Variants in TSNARE1 observed in about 807,000 individuals in gnomAD.
TSNARE1 encodes t-SNARE domain-containing protein 1.
TSNARE1 carries 49 observed loss-of-function variants against 62.0 expected under a neutral mutation model. The ratio of observed to expected loss-of-function variants is 0.79; its 90% CI spans 0.63 to 1.00. The LOEUF (loss-of-function observed/expected upper bound fraction) is 1.00, where lower values mean the gene tolerates loss of function less well. Among genes scored for constraint, TSNARE1 ranks in the 50% least tolerant of loss-of-function variants. The pLI is 0.00. For synonymous variants in TSNARE1, 328 were observed against 294.4 expected (o/e 1.11, Z -1.17); for missense variants, 755 against 700.1 (o/e 1.08, Z -0.88).
chr8:142,265,798 A>T (rs951509469), intron 12 of TSNARE1, among the ~76,000 whole-genome samples: 2 of 152,170 alleles, frequency 1.3e-5, no homozygotes, highest in Non-Finnish European at 2.9e-5. Context: ...TGTGGGCTTA[A>T]TGTGTATTTC....
At chr8:142,385,451 T>C (rs982068921) in intron 1 of TSNARE1, among the ~76,000 whole-genome samples, 1 of 152,170 alleles carries the variant, frequency 6.6e-6, no homozygotes, top group African/African-American at 2.4e-5. Flanking sequence ...TATTTACCAG[T>C]AGATTTAAGA....
chr8:142,391,423 C>G (rs529690166), intron 1 of TSNARE1, among the ~76,000 whole-genome samples: 25 of 152,114 alleles, frequency 1.6e-4, no homozygotes, highest in South Asian at 6.4e-4. Context: ...CTGTAACAGA[C>G]GCTGTACACT....
Position 142,222,492 on chromosome 8 carries a change from C to CCACT in TSNARE1, c.*11+6977_*11+6980dup, listed in dbSNP as rs1253795884. Among the ~76,000 whole-genome samples the CCACT allele has an allele frequency of 4.0e-3, 64 of 15,942 alleles. 2 individuals are homozygous for CCACT. Among genetic ancestry groups the CCACT allele is most frequent in the South Asian group, 0.022 (9 of 414 alleles). 10.5% of individuals were successfully genotyped at this position (15,942 alleles called of 152,430 possible). ...CTCATCCACTCACTCACTCACTCAT[C>CCACT]CACTCACTCATCCACTCACTCACTC... On this transcript the variant is annotated intron_variant, in intron 13 of 13. Transcript: ENST00000524325.
chr8:142,303,504 G>A (rs1024927876), intron 9 of TSNARE1, among the ~76,000 whole-genome samples: 7 of 152,240 alleles, frequency 4.6e-5, no homozygotes, highest in African/African-American at 1.7e-4. Flanking sequence ...AGGAGACGGA[G>A]GGCTCCGCCC....
chr8:142,398,362 C>T (rs1838050899), intron 1 of TSNARE1, among the ~76,000 whole-genome samples: 1 of 150,588 alleles, frequency 6.6e-6, no homozygotes, highest in African/African-American at 2.4e-5. Flanking sequence ...CAAAACATGC[C>T]CCCGGCCCTA....
At chr8:142,361,637 C>G (rs918270391) in intron 1 of TSNARE1, among the ~76,000 whole-genome samples, 1 of 152,226 alleles carries the variant, frequency 6.6e-6, no homozygotes, top group Non-Finnish European at 1.5e-5. Flanking sequence ...TGGGGAAAAA[C>G]ATGGTGACCG....
chr8:142,400,816 C>T (rs1838235730), intron 1 of TSNARE1, among the ~76,000 whole-genome samples: 1 of 152,210 alleles, frequency 6.6e-6, no homozygotes, highest in Non-Finnish European at 1.5e-5. Flanking sequence ...GAGGGACTCA[C>T]GGCAAGATCA....
intron 4 of TSNARE1, among the ~76,000 whole-genome samples, chr8:142,339,946 G>T (rs1203306318): frequency 1.3e-5 from 2 of 152,274 alleles, no homozygotes; most frequent in Non-Finnish European, 2.9e-5. Flanking sequence ...CTCCGCAGAG[G>T]ACTGAGAGGG....
intron 12 of TSNARE1, among the ~76,000 whole-genome samples, chr8:142,265,579 C>A (rs1277836533): frequency 6.6e-6 from 1 of 152,214 alleles, no homozygotes; most frequent in Non-Finnish European, 1.5e-5. Flanking sequence ...TTGGTGTGAA[C>A]ATGAGTTTTT....
At chr8:142,307,794 C>T (rs768480204) in intron 9 of TSNARE1, among the ~76,000 whole-genome samples, 5 of 152,154 alleles carry the variant, frequency 3.3e-5, no homozygotes, top group Non-Finnish European at 7.4e-5. Flanking sequence ...TTGATATTCT[C>T]GAACAGTGTT....
At chr8:142,341,324 TCTC>T (rs1832558820) in intron 4 of TSNARE1, among the ~76,000 whole-genome samples, 1 of 151,982 alleles carries the variant, frequency 6.6e-6, no homozygotes, top group Admixed American at 6.5e-5. Context: ...CAGGCCCACA[TCTC>T]CTGCCAAGGC....
intron 4 of TSNARE1, among the ~76,000 whole-genome samples, chr8:142,339,360 G>A (rs559641407): frequency 2.0e-5 from 3 of 152,224 alleles, no homozygotes; most frequent in East Asian, 1.9e-4. Context: ...TGGCCCAGGC[G>A]ACCACAGAGA....
chr8:142,279,997 C>T (rs1295317517), intron 11 of TSNARE1: 30 of 1,174,146 alleles, frequency 2.6e-5, no homozygotes, highest in Middle Eastern at 3.8e-4. Context: ...CACAGCACCT[C>T]GCAGGTCCCG....
chr8:142,365,709 C>T (rs765814169), intron 1 of TSNARE1, among the ~76,000 whole-genome samples: 2 of 152,086 alleles, frequency 1.3e-5, no homozygotes, highest in Non-Finnish European at 2.9e-5. Context: ...GCAAAATATA[C>T]ACAACAAGTT....
chr8:142,287,188 A>G, intron 10 of TSNARE1, among the ~76,000 whole-genome samples: 1 of 150,102 alleles, frequency 6.7e-6, no homozygotes, highest in Non-Finnish European at 1.5e-5. Context: ...CGTGGAACCC[A>G]GGACCCCGGC....
intron 13 of TSNARE1, among the ~76,000 whole-genome samples, chr8:142,216,308 C>T (rs1464798939): frequency 1.3e-5 from 2 of 152,150 alleles, no homozygotes; most frequent in East Asian, 3.9e-4. Flanking sequence ...TGGGCGGACG[C>T]TGGTGCAGTG....
intron 1 of TSNARE1, among the ~76,000 whole-genome samples, chr8:142,379,961 C>T (rs77600935): frequency 0.03 from 4,636 of 152,220 alleles, 252 homozygotes; most frequent in African/African-American, 0.11. Context: ...CTTCTTGTGC[C>T]GCTGCCCCCA....
intron 12 of TSNARE1, among the ~76,000 whole-genome samples, chr8:142,244,949 G>A (rs927872444): frequency 2.0e-4 from 30 of 152,376 alleles, no homozygotes; most frequent in African/African-American, 6.0e-4. Flanking sequence ...CGGAGCCCAC[G>A]CACCTGTGTG....
chr8:142,242,947 C>CAAAAA (rs35092120), intron 12 of TSNARE1, among the ~76,000 whole-genome samples: 655 of 51,334 alleles, frequency 0.013, 45 homozygotes, highest in African/African-American at 0.051. Context: ...AACTCTGTCT[C>CAAAAA]AAAAAAAAAA....
Sources: allele counts gnomAD v4.1 joint callset (sites outside exome capture counted in the v4.1 genomes callset), GRCh38; gene constraint gnomAD v4.1.1; transcripts MANE v1.5; gene names NCBI Gene and HGNC (gene_info 2026-07-23, HGNC 2026-07-21).